Variants in IGF2BP2 observed in about 807,000 individuals in gnomAD.
IGF2BP2 encodes insulin-like growth factor 2 mRNA-binding protein 2.
Under a neutral mutation model 75.8 loss-of-function variants are expected in IGF2BP2, and 17 were observed. The ratio of observed to expected loss-of-function variants is 0.22; its 90% CI spans 0.15 to 0.34. The LOEUF (loss-of-function observed/expected upper bound fraction) is 0.34. Ranked by LOEUF, IGF2BP2 falls within the 10% of genes least tolerant of loss-of-function variation. The pLI is 1.00. For synonymous variants in IGF2BP2, 288 were observed against 295.6 expected (o/e 0.97, Z 0.26); for missense variants, 516 against 772.4 (o/e 0.67, Z 3.93).
At chr3:185,777,151 A>G (rs748496510) in intron 2 of IGF2BP2, among the ~76,000 whole-genome samples, 2 of 152,192 alleles carry the variant, frequency 1.3e-5, no homozygotes, top group Admixed American at 6.5e-5. Flanking sequence ...TAATGTTGTC[A>G]ATAGCTTCTT....
At chr3:185,728,564 A>C (rs1417347719) in intron 2 of IGF2BP2, 4 of 152,268 alleles carry the variant, frequency 2.6e-5, no homozygotes, top group Non-Finnish European at 4.4e-5. Flanking sequence ...TCAACCAGCC[A>C]ATCACAAAAT....
At chr3:185,675,206 TACCTATCCTAAGGC>T in intron 9 of IGF2BP2, 76 bp downstream of exon 9, 2 of 1,337,886 alleles carry the variant, frequency 1.5e-6, no homozygotes, top group Non-Finnish European at 2.0e-6. Context: ...AAACTCTGCA[TACCTATCCTAAGGC>T]ACTTCCTCAT....
Position 185,643,349 on chromosome 3 carries a change from G to A in IGF2BP2, c.*2182C>T, listed in dbSNP as rs1261937236. Among the ~76,000 whole-genome samples the A allele has an allele frequency of 6.6e-6, 1 of 152,154 alleles. No homozygotes were observed. The highest frequency in any genetic ancestry group is 1.5e-5 in the Non-Finnish European group (1 of 68,032). On this transcript the variant is annotated 3_prime_UTR_variant, in exon 16 of 16. Coordinates refer to ENST00000382199, the MANE Select transcript of IGF2BP2 (RefSeq NM_006548.6). ...CTTGCAGTTCCTTAAGGATAGACTG[G>A]TCTTCTCTAGCTTGACATGCAGTCG...
chr3:185,779,020 A>G (rs1734874041), intron 2 of IGF2BP2, among the ~76,000 whole-genome samples: 1 of 152,112 alleles, frequency 6.6e-6, no homozygotes, highest in Non-Finnish European at 1.5e-5. Flanking sequence ...TCCTCTCTTG[A>G]AAAAGGAAGG....
intron 2 of IGF2BP2, among the ~76,000 whole-genome samples, chr3:185,708,391 C>T (rs1270893189): frequency 2.0e-5 from 3 of 152,068 alleles, no homozygotes; most frequent in South Asian, 2.1e-4. Flanking sequence ...CAGCATCAAC[C>T]GCAACGTAGA....
chr3:185,803,940 A>G (rs1324796270), intron 2 of IGF2BP2, among the ~76,000 whole-genome samples: 3 of 152,150 alleles, frequency 2.0e-5, no homozygotes, highest in Admixed American at 2.0e-4. Flanking sequence ...CCTGGCCAAC[A>G]TGGTGAAACC....
intron 2 of IGF2BP2, among the ~76,000 whole-genome samples, chr3:185,710,610 G>A (rs1266098350): frequency 6.6e-6 from 1 of 152,098 alleles, no homozygotes; most frequent in African/African-American, 2.4e-5. Context: ...GAGGGCGCCT[G>A]TAGTCCCAGC....
rs145276629 is a variant in IGF2BP2 at position 185,724,157 on chromosome 3, C to T, written c.240-25810G>A. ...AACCAGAAGAAGAGAGCCTTCCAGACAGCACGTGAGCAAAATTGCCCGGCT... is the reference window on the plus strand; with the variant it reads ...AACCAGAAGAAGAGAGCCTTCCAGATAGCACGTGAGCAAAATTGCCCGGCT... On this transcript the variant is annotated intron_variant, in intron 2 of 15. Transcript: ENST00000382199. Among the ~76,000 whole-genome samples, 59 of 152,318 alleles carry T rather than the reference C, an allele frequency of 3.9e-4. 1 individual carries two copies. Among genetic ancestry groups the T allele is most frequent in the African/African-American group, 1.3e-3 (56 of 41,572 alleles).
chr3:185,701,367 T>TAAAAAAAAAAAA (rs558141080), intron 2 of IGF2BP2, among the ~76,000 whole-genome samples: 1 of 117,126 alleles, frequency 8.5e-6, no homozygotes, highest in Non-Finnish European at 1.8e-5. Context: ...ACCTGCTAAG[T>TAAAAAAAAAAAA]AAAAAAAAAA....
chr3:185,769,384 AT>A (rs1733556072), intron 2 of IGF2BP2, among the ~76,000 whole-genome samples: 1 of 152,086 alleles, frequency 6.6e-6, no homozygotes, highest in Non-Finnish European at 1.5e-5. Flanking sequence ...AGGTGAATCT[AT>A]TGTTTAAAAC....
At chr3:185,672,169 C>G (rs1361036832) in intron 10 of IGF2BP2, among the ~76,000 whole-genome samples, 1 of 152,166 alleles carries the variant, frequency 6.6e-6, no homozygotes, top group African/African-American at 2.4e-5. Context: ...ATATATATCT[C>G]TCTTCAAGAA....
chr3:185,664,846 G>A (rs550963141), intron 10 of IGF2BP2, among the ~76,000 whole-genome samples: 1 of 152,176 alleles, frequency 6.6e-6, no homozygotes, highest in African/African-American at 2.4e-5. Context: ...AAATAAAGTG[G>A]ATGGGAGAGA....
intron 2 of IGF2BP2, among the ~76,000 whole-genome samples, chr3:185,788,981 G>GGGATTA (rs1394427085): frequency 2.0e-5 from 3 of 152,082 alleles, no homozygotes; most frequent in Non-Finnish European, 4.4e-5. Context: ...CCAAAGTGCT[G>GGGATTA]GGATTACAGG....
intron 2 of IGF2BP2, among the ~76,000 whole-genome samples, chr3:185,743,754 A>G (rs1462796564): frequency 6.6e-6 from 1 of 152,222 alleles, no homozygotes; most frequent in Non-Finnish European, 1.5e-5. Context: ...ACGATGTAAA[A>G]GACTAGATAA....
At chr3:185,681,796 C>T (rs980586704) in intron 7 of IGF2BP2, among the ~76,000 whole-genome samples, 2 of 152,142 alleles carry the variant, frequency 1.3e-5, no homozygotes, top group African/African-American at 2.4e-5. Flanking sequence ...TGATAAGGTG[C>T]TGAGACCACT....
At position 185,775,555 on chromosome 3, in the gene IGF2BP2, G is replaced by C. The variant is rs116187465; in HGVS notation, c.239+47598C>G. 8.3e-3 allele frequency among the ~76,000 whole-genome samples: 1,266 copies of C among 152,332 alleles called. 20 individuals are homozygous for C. The highest frequency in any genetic ancestry group is 0.029 in the African/African-American group (1,211 of 41,576). ...TTCCAAGGAAGGAGAATGATCCAGA[G>C]CAAGGAGAAAGGTGAACTGGAGTGC... On this transcript the variant is annotated intron_variant, in intron 2 of 15. Transcript: ENST00000382199.
chr3:185,699,060 C>T (rs1722952244), intron 2 of IGF2BP2, among the ~76,000 whole-genome samples: 1 of 152,184 alleles, frequency 6.6e-6, no homozygotes, highest in Non-Finnish European at 1.5e-5. Flanking sequence ...AGTGATCCGC[C>T]TGCCTCGGCC....
intron 12 of IGF2BP2, among the ~76,000 whole-genome samples, chr3:185,656,643 T>C (rs1715479699): frequency 6.6e-6 from 1 of 152,254 alleles, no homozygotes; most frequent in South Asian, 2.1e-4. Flanking sequence ...AGCTGATAGC[T>C]GGTCTTGGAG....
intron 2 of IGF2BP2, among the ~76,000 whole-genome samples, chr3:185,733,136 T>C (rs1398503774): frequency 6.6e-6 from 1 of 152,184 alleles, no homozygotes; most frequent in Non-Finnish European, 1.5e-5. Flanking sequence ...AAGAACACAA[T>C]CATCTGATTC....
Sources: gnomAD v4.1 joint callset for allele counts (sites outside exome capture counted in the v4.1 genomes callset) on GRCh38, gnomAD v4.1.1 for gene constraint, MANE v1.5 for transcripts, NCBI Gene and HGNC (gene_info 2026-07-23, HGNC 2026-07-21) for gene names.